The following NEGR1 variants were observed in gnomAD, a reference collection of about 807,000 sequenced individuals.
NEGR1 encodes neuronal growth regulator 1.
In NEGR1, 10 loss-of-function variants were observed where a neutral mutation model predicts 40.9. The ratio of observed to expected loss-of-function variants is 0.24; its 90% CI spans 0.15 to 0.42. NEGR1 has a LOEUF of 0.42. NEGR1 is among the 10% of genes least tolerant of loss of function. The pLI is 1.00. For synonymous variants in NEGR1, 185 were observed against 166.8 expected (o/e 1.11, Z -0.84); for missense variants, 352 against 438.9 (o/e 0.80, Z 1.77).
chr1:72,010,781 C>G (rs559308063), intron 1 of NEGR1, among the ~76,000 whole-genome samples: 1 of 152,184 alleles, frequency 6.6e-6, no homozygotes, highest in Non-Finnish European at 1.5e-5. Context: ...CTGGTAGAAG[C>G]CTGGAATATG....
chr1:72,028,448 A>C (rs1646830576), intron 1 of NEGR1, among the ~76,000 whole-genome samples: 1 of 152,232 alleles, frequency 6.6e-6, no homozygotes, highest in African/African-American at 2.4e-5. Flanking sequence ...GAGGTCTGCT[A>C]TATGAGTGTA....
intron 6 of NEGR1, among the ~76,000 whole-genome samples, chr1:71,568,829 C>CGT (rs35692576): frequency 0.043 from 6,398 of 147,440 alleles, 160 homozygotes; most frequent in Middle Eastern, 0.057. Flanking sequence ...TATATGTATA[C>CGT]GTGTGTGTGT....
chr1:72,048,288 G>T (rs1346061725), intron 1 of NEGR1, among the ~76,000 whole-genome samples: 1 of 151,552 alleles, frequency 6.6e-6, no homozygotes, highest in African/African-American at 2.4e-5. Context: ...GTTAGAATTG[G>T]AAGCAACTTT....
At chr1:71,938,092 T>G (rs1306665157) in intron 1 of NEGR1, among the ~76,000 whole-genome samples, 1 of 152,082 alleles carries the variant, frequency 6.6e-6, no homozygotes, top group East Asian at 1.9e-4. Flanking sequence ...CAACTCAAAG[T>G]TTTTTAAGAT....
Position 71,917,063 on chromosome 1 carries a change from G to A in NEGR1, c.409+18016C>T, listed in dbSNP as rs1303252548. On this transcript the variant is annotated intron_variant, in intron 2 of 6. Coordinates refer to ENST00000357731, the MANE Select transcript of NEGR1 (RefSeq NM_173808.3). ...CCTCTATAGCTCCATCTGTGTCAAT[G>A]CTCATTGTTTTATGTAATAGAGAGG... Among the ~76,000 whole-genome samples, 3 of 152,240 alleles carry A rather than the reference G, an allele frequency of 2.0e-5. No individual in the cohort carries two copies. The East Asian group carries it at 5.8e-4, about 29-fold the overall frequency.
intron 2 of NEGR1, among the ~76,000 whole-genome samples, chr1:71,797,363 A>C (rs986083163): frequency 3.3e-5 from 5 of 152,166 alleles, no homozygotes; most frequent in African/African-American, 1.2e-4. Flanking sequence ...ACAAGGATCT[A>C]AGCTATTGAG....
chr1:71,815,002 T>G (rs1157009169), intron 2 of NEGR1, among the ~76,000 whole-genome samples: 1 of 152,080 alleles, frequency 6.6e-6, no homozygotes, highest in Non-Finnish European at 1.5e-5. Context: ...AACATCAGGG[T>G]GTCAGTTTGA....
chr1:72,034,566 A>C (rs1158924421), intron 1 of NEGR1, among the ~76,000 whole-genome samples: 1 of 152,192 alleles, frequency 6.6e-6, no homozygotes, highest in Non-Finnish European at 1.5e-5. Context: ...TAGATAAAGC[A>C]GGTAAAAAAA....
At chr1:72,097,307 T>C (rs1195811117) in intron 1 of NEGR1, among the ~76,000 whole-genome samples, 1 of 152,136 alleles carries the variant, frequency 6.6e-6, no homozygotes, top group Non-Finnish European at 1.5e-5. Context: ...ATTAGTTGAG[T>C]AATATATGAA....
chr1:71,742,206 C>T (rs556643367), intron 3 of NEGR1, among the ~76,000 whole-genome samples: 1 of 152,248 alleles, frequency 6.6e-6, no homozygotes, highest in East Asian at 1.9e-4. Flanking sequence ...AGACCTGCAC[C>T]AGGAACCAAA....
chr1:71,758,642 T>A (rs1424720642), intron 3 of NEGR1, among the ~76,000 whole-genome samples: 1 of 152,106 alleles, frequency 6.6e-6, no homozygotes. Flanking sequence ...TAGCAAAATA[T>A]TCATTTTGAG....
chr1:72,142,572 T>C lies in NEGR1; in HGVS notation c.176+139747A>G, dbSNP rs192410866. Among the ~76,000 whole-genome samples the C allele has an allele frequency of 3.9e-4, 57 of 144,770 alleles. 1 individual carries two copies. The highest frequency in any genetic ancestry group is 4.3e-4 in the Non-Finnish European group (28 of 64,904). 95.0% of individuals were successfully genotyped at this position (144,770 alleles called of 152,430 possible). On this transcript the variant is annotated intron_variant, in intron 1 of 6. Transcript: ENST00000357731. The stretch of plus-strand genomic sequence containing the variant: ...ATAGATAGATAGATAGATAGACAGA[T>C]AGTGATAGAACATAATATCACTATG...
At chr1:71,574,932 G>C (rs1648916809) in intron 6 of NEGR1, among the ~76,000 whole-genome samples, 1 of 152,046 alleles carries the variant, frequency 6.6e-6, no homozygotes, top group African/African-American at 2.4e-5. Flanking sequence ...ATTCATTTGG[G>C]GTATTATGGA....
rs531426112 is a variant in NEGR1, at chr1:72,128,849, T to G, written c.176+153470A>C. Among the ~76,000 whole-genome samples the G allele has an allele frequency of 7.2e-5, 11 of 152,220 alleles. No homozygotes were observed. The South Asian group carries it at 2.3e-3, about 32-fold the overall frequency. On this transcript the variant is annotated intron_variant, in intron 1 of 6. Coordinates refer to ENST00000357731, the MANE Select transcript of NEGR1 (RefSeq NM_173808.3). Reference sequence around the variant, plus strand: ...TAAATTGGTACACAGATATCCCTCCTCAATATGAGTGGGTATCATTCAAAA... The same window carrying G: ...TAAATTGGTACACAGATATCCCTCCGCAATATGAGTGGGTATCATTCAAAA...
At chr1:72,152,033 C>T (rs1651145779) in intron 1 of NEGR1, among the ~76,000 whole-genome samples, 1 of 151,688 alleles carries the variant, frequency 6.6e-6, no homozygotes, top group South Asian at 2.1e-4. Context: ...ATTTGATGAA[C>T]ACATATGGAA....
chr1:71,411,423 T>C (rs1372363076), intron 6 of NEGR1, among the ~76,000 whole-genome samples: 1 of 152,158 alleles, frequency 6.6e-6, no homozygotes, highest in Non-Finnish European at 1.5e-5. Context: ...AGGTCCAAGC[T>C]AGAAGCCTGA....
At chr1:72,128,314 G>T (rs1650109593) in intron 1 of NEGR1, among the ~76,000 whole-genome samples, 1 of 152,118 alleles carries the variant, frequency 6.6e-6, no homozygotes, top group African/African-American at 2.4e-5. Context: ...GCATATATTG[G>T]CAAAGAGCAG....
intron 1 of NEGR1, among the ~76,000 whole-genome samples, chr1:71,961,178 T>C (rs1318920894): frequency 1.3e-5 from 2 of 152,142 alleles, no homozygotes; most frequent in African/African-American, 4.8e-5. Flanking sequence ...TGGCTGTGGG[T>C]GGGCTAAAGG....
chr1:72,268,227 G>A (rs1176623391), intron 1 of NEGR1, among the ~76,000 whole-genome samples: 1 of 151,332 alleles, frequency 6.6e-6, no homozygotes, highest in Non-Finnish European at 1.5e-5. Context: ...GGCAGCATAA[G>A]AAAGAAAACT....
Sources: gnomAD v4.1 joint callset for allele counts (sites outside exome capture counted in the v4.1 genomes callset) on GRCh38, gnomAD v4.1.1 for gene constraint, MANE v1.5 for transcripts, NCBI Gene and HGNC (gene_info 2026-07-23, HGNC 2026-07-21) for gene names.